KDM4C: variants seen among roughly 807,000 people sequenced by gnomAD.
KDM4C encodes lysine demethylase 4C, also known as lysine-specific demethylase 4C.
Under a neutral mutation model 129.3 loss-of-function variants are expected in KDM4C, and 81 were observed. That is an observed-to-expected ratio of 0.63 (90% confidence interval 0.52 to 0.75). The LOEUF is 0.75. KDM4C is among the 30% of genes least tolerant of loss of function. The probability of loss-of-function intolerance (pLI) is 0.00; values close to 1 mark genes in which losing one functional copy is unlikely to be tolerated. For missense variants in KDM4C, 1,457 were observed against 1,304.0 expected, an observed-to-expected ratio of 1.12 and a Z score of -1.81; for synonymous variants, 573 against 456.1, an observed-to-expected ratio of 1.26 and a Z score of -3.26.
chr9:6,872,302 G>A (rs1842913705), intron 5 of KDM4C, among the ~76,000 whole-genome samples: 1 of 152,162 alleles, frequency 6.6e-6, no homozygotes, highest in Non-Finnish European at 1.5e-5. Context: ...TGGTAGAGTG[G>A]TTAGGACTTG....
intron 8 of KDM4C, among the ~76,000 whole-genome samples, chr9:6,939,267 C>T (rs929324870): frequency 7.2e-5 from 11 of 152,026 alleles, no homozygotes; most frequent in African/African-American, 2.7e-4. Context: ...CTGTTGTGAA[C>T]TGCACATGGG....
chr9:6,801,576 T>C (rs961950164), intron 2 of KDM4C, among the ~76,000 whole-genome samples: 20 of 151,476 alleles, frequency 1.3e-4, no homozygotes, highest in Non-Finnish European at 2.5e-4. Context: ...GAGGGCAAGT[T>C]ACAGGATAAG....
At chr9:7,015,104 T>C (rs1290465668) in intron 14 of KDM4C, among the ~76,000 whole-genome samples, 1 of 152,198 alleles carries the variant, frequency 6.6e-6, no homozygotes, top group Non-Finnish European at 1.5e-5. Flanking sequence ...CATGGTTAAC[T>C]GTGATAGGTT....
At chr9:6,753,588 T>A (rs1818144359), upstream of KDM4C, among the ~76,000 whole-genome samples, 1 of 152,148 alleles carries the variant, frequency 6.6e-6, no homozygotes, top group Non-Finnish European at 1.5e-5. Flanking sequence ...GGGTAATTTA[T>A]AATGAACAGA....
At chr9:7,147,761 A>G (rs2130035351) in intron 19 of KDM4C, among the ~76,000 whole-genome samples, 1 of 152,342 alleles carries the variant, frequency 6.6e-6, no homozygotes, top group East Asian at 1.9e-4. Context: ...TGCTCTGCTA[A>G]TTAGCTGTGC....
intron 1 of KDM4C, among the ~76,000 whole-genome samples, chr9:6,743,280 A>G (rs987544497): frequency 6.6e-6 from 1 of 152,168 alleles, no homozygotes; most frequent in East Asian, 1.9e-4. Context: ...GACATCACTG[A>G]GGCACTTCGT....
Position 6,817,261 on chromosome 9 carries a change from G to T in KDM4C, c.435+2516G>T, listed in dbSNP as rs559950524. Among the ~76,000 whole-genome samples, 518 of 136,532 alleles carry T rather than the reference G, an allele frequency of 3.8e-3. 6 individuals carry two copies. Among genetic ancestry groups the T allele is most frequent in the African/African-American group, 0.014 (492 of 35,912 alleles). The allele number at this position is 136,532 out of a possible 152,430, so 89.6% of individuals were successfully genotyped here. ...CTGTCACCCAGGTTGGCATGCAATGGCATGATCACGGCTCACTGCAGCCTT... is the reference window on the plus strand; with the variant it reads ...CTGTCACCCAGGTTGGCATGCAATGTCATGATCACGGCTCACTGCAGCCTT... On this transcript the variant is annotated intron_variant, in intron 4 of 21. Coordinates refer to ENST00000381309, the MANE Select transcript of KDM4C (RefSeq NM_015061.6).
intron 2 of KDM4C, 37 bp from the exon 3 acceptor site, chr9:6,805,562 T>C (rs755572322): frequency 1.3e-5 from 19 of 1,491,814 alleles, no homozygotes; most frequent in Non-Finnish European, 1.6e-5. Flanking sequence ...TTGGAGTATT[T>C]TCAAGATGAT....
chr9:7,090,924 A>G (rs1835718035), intron 17 of KDM4C, among the ~76,000 whole-genome samples: 1 of 152,214 alleles, frequency 6.6e-6, no homozygotes, highest in Non-Finnish European at 1.5e-5. Context: ...AAGGGGAAGA[A>G]TGAATTGTAC....
chr9:6,955,686 G>A (rs1357260262), intron 8 of KDM4C, among the ~76,000 whole-genome samples: 4 of 152,122 alleles, frequency 2.6e-5, no homozygotes, highest in Non-Finnish European at 5.9e-5. Flanking sequence ...ATGTAAAATA[G>A]TTATAATCTT....
chr9:6,974,568 G>C (rs1024939944), intron 8 of KDM4C, among the ~76,000 whole-genome samples: 1 of 152,176 alleles, frequency 6.6e-6, no homozygotes, highest in African/African-American at 2.4e-5. Context: ...ATGATGGCCA[G>C]GCTGGTCTCA....
intron 8 of KDM4C, among the ~76,000 whole-genome samples, chr9:6,953,290 C>T (rs1249443753): frequency 6.6e-6 from 1 of 152,186 alleles, no homozygotes; most frequent in African/African-American, 2.4e-5. Context: ...GCTTATTCAG[C>T]AGTTTTGATT....
At chr9:7,161,530 A>G (rs1843793290) in intron 19 of KDM4C, among the ~76,000 whole-genome samples, 1 of 152,094 alleles carries the variant, frequency 6.6e-6, no homozygotes, top group African/African-American at 2.4e-5. Context: ...CTTATTTGTA[A>G]ATAAAATCAA....
chr9:6,760,995 T>C (rs904811289), intron 1 of KDM4C, among the ~76,000 whole-genome samples: 66 of 148,232 alleles, frequency 4.5e-4, no homozygotes, highest in African/African-American at 1.6e-3. Context: ...TTTCCTTTCC[T>C]GGATGTCTTT....
chr9:6,731,499 T>G (rs1817334246), intron 1 of KDM4C, among the ~76,000 whole-genome samples: 1 of 151,520 alleles, frequency 6.6e-6, no homozygotes, highest in South Asian at 2.1e-4. Flanking sequence ...CCCAGCTAAT[T>G]TTTTTTTGTA....
chr9:6,799,512 G>A (rs947098850), intron 2 of KDM4C, among the ~76,000 whole-genome samples: 55 of 151,172 alleles, frequency 3.6e-4, no homozygotes, highest in Non-Finnish European at 6.3e-4. Context: ...CAAGATGGCA[G>A]CAGCACAGTC....
In KDM4C at chr9:6,925,669, A is replaced by C. The variant is rs1483846937; in HGVS notation, c.921+32437A>C. ...GTTTCAGAAAGATGCTGTTCGGAGA[A>C]CTGTAAGGGAATTTTCCAATTAGTT... On this transcript the variant is annotated intron_variant, in intron 8 of 21. Transcript: ENST00000381309. 118 of 982,684 alleles carry C rather than the reference A, an allele frequency of 1.2e-4. No individual in the cohort carries two copies. In the Admixed American group the frequency reaches 1.6e-3, roughly 13 times the overall value. The allele number at this position is 982,684 out of a possible 1,614,324, so 60.9% of individuals were successfully genotyped here.
intron 1 of KDM4C, among the ~76,000 whole-genome samples, chr9:6,781,627 G>A (rs1178506135): frequency 1.3e-5 from 2 of 152,030 alleles, no homozygotes; most frequent in African/African-American, 4.8e-5. Context: ...GTGTAAAAGT[G>A]CAAAAATCAT....
chr9:7,015,565 C>G (rs77597918), intron 14 of KDM4C, among the ~76,000 whole-genome samples: 4,194 of 151,980 alleles, frequency 0.028, 96 homozygotes, highest in Non-Finnish European at 0.045. Flanking sequence ...TAAACTTTGC[C>G]CCATGGATTG....
Sources: allele counts gnomAD v4.1 joint callset (sites outside exome capture counted in the v4.1 genomes callset), GRCh38; gene constraint gnomAD v4.1.1; transcripts MANE v1.5; gene names NCBI Gene and HGNC (gene_info 2026-07-23, HGNC 2026-07-21).